Variants in DLG2 observed in about 807,000 individuals in gnomAD.
DLG2 encodes the protein disks large homolog 2.
Under a neutral mutation model 132.5 loss-of-function variants are expected in DLG2, and 45 were observed. The observed-to-expected ratio is 0.34, with a 90% CI of 0.27 to 0.44. DLG2 has a LOEUF of 0.44. Among genes scored for constraint, DLG2 ranks in the 20% least tolerant of loss-of-function variants. DLG2 has a pLI of 1.00. For missense variants in DLG2, 1,045 were observed against 1,196.9 expected (o/e 0.87, Z 1.87); for synonymous variants, 424 against 419.6 (o/e 1.01, Z -0.13).
intron 11 of DLG2, among the ~76,000 whole-genome samples, chr11:84,042,875 C>G (rs2096128822): frequency 6.6e-6 from 1 of 151,614 alleles, no homozygotes; most frequent in South Asian, 2.1e-4. Context: ...CATACTGGGG[C>G]CTGTAGGGGG....
At chr11:84,134,322 C>T (rs1399430848) in intron 9 of DLG2, among the ~76,000 whole-genome samples, 1 of 152,022 alleles carries the variant, frequency 6.6e-6, no homozygotes, top group East Asian at 1.9e-4. Flanking sequence ...AGCAACAATA[C>T]AGTTTACTTC....
chr11:84,425,287 G>A (rs2154469446), intron 7 of DLG2, among the ~76,000 whole-genome samples: 1 of 152,158 alleles, frequency 6.6e-6, no homozygotes, highest in East Asian at 1.9e-4. Flanking sequence ...CTTTCAAATT[G>A]TTCAGGACAA....
chr11:83,986,603 T>TGC (rs1473457066), intron 11 of DLG2, among the ~76,000 whole-genome samples: 7 of 151,806 alleles, frequency 4.6e-5, no homozygotes, highest in African/African-American at 1.7e-4. Context: ...TCAAATGGTA[T>TGC]TTCTAGTTCT....
chr11:84,488,264 A>G (rs2099155889), intron 7 of DLG2, among the ~76,000 whole-genome samples: 1 of 152,148 alleles, frequency 6.6e-6, no homozygotes, highest in Non-Finnish European at 1.5e-5. Context: ...GAAAGACAAT[A>G]GAGAAACAGG....
chr11:84,631,806 G>A (rs1442362623), intron 6 of DLG2, among the ~76,000 whole-genome samples: 5 of 152,112 alleles, frequency 3.3e-5, no homozygotes, highest in African/African-American at 1.2e-4. Context: ...AAAAAATGAT[G>A]GATTTAGGAG....
intron 6 of DLG2, among the ~76,000 whole-genome samples, chr11:84,941,982 G>T (rs550523467): frequency 6.6e-6 from 1 of 152,138 alleles, no homozygotes; most frequent in African/African-American, 2.4e-5. Flanking sequence ...AATCTGGATA[G>T]GTTGTATCTG....
chr11:84,023,510 A>C (rs182836817), intron 11 of DLG2, among the ~76,000 whole-genome samples: 1 of 152,306 alleles, frequency 6.6e-6, no homozygotes, highest in East Asian at 1.9e-4. Flanking sequence ...TTGGCTTCAC[A>C]GCCAAGTAAA....
chr11:85,122,300 AAG>A (rs2074415873), intron 5 of DLG2, among the ~76,000 whole-genome samples: 1 of 152,226 alleles, frequency 6.6e-6, no homozygotes, highest in African/African-American at 2.4e-5. Flanking sequence ...AAAGTACTTA[AAG>A]AGAAATCCGC....
rs201901898 is a variant in DLG2, at chr11:84,251,306, A to T, written c.520-15T>A. The T allele has an allele frequency of 5.9e-4, 922 of 1,558,720 alleles. 9 individuals carry two copies. The African/African-American group carries it at 0.011, about 19-fold the overall frequency. The stretch of plus-strand genomic sequence containing the variant: ...GCAGGACTGGCCTGAAAAAAGAAAT[A>T]GAAAAAAAATTAAATAATGAATAGT... On this transcript the variant is annotated splice_polypyrimidine_tract_variant and intron_variant, in intron 7 of 27. Coordinates refer to ENST00000376104, the MANE Select transcript of DLG2 (RefSeq NM_001142699.3).
At chr11:84,860,895 C>T (rs1156713116) in intron 6 of DLG2, among the ~76,000 whole-genome samples, 1 of 150,894 alleles carries the variant, frequency 6.6e-6, no homozygotes, top group Non-Finnish European at 1.5e-5. Flanking sequence ...TAAATAAATA[C>T]TAAGAATGAA....
intron 3 of DLG2, among the ~76,000 whole-genome samples, chr11:85,584,339 G>GGTGT (rs61334060): frequency 0.015 from 2,244 of 145,032 alleles, 16 homozygotes; most frequent in Middle Eastern, 0.021. Context: ...AGTATTCCAT[G>GGTGT]GTGTGTGTGT....
At chr11:84,465,547 T>G (rs969248442) in intron 7 of DLG2, among the ~76,000 whole-genome samples, 10 of 151,308 alleles carry the variant, frequency 6.6e-5, no homozygotes, top group Admixed American at 5.9e-4. Flanking sequence ...GTTTAAAGTT[T>G]GCCATTTATA....
rs969068735 is a variant in DLG2, at chr11:84,560,692, A to T, written c.358-25961T>A. On this transcript the variant is annotated intron_variant, in intron 6 of 27. Transcript: ENST00000376104. ...AATTATTTTATCTGGCCATCCATAG[A>T]CTACTATGAGCTTTTAAGTTAATTT... Among the ~76,000 whole-genome samples, 4 of 152,086 alleles carry T rather than the reference A, an allele frequency of 2.6e-5. No individual in the cohort carries two copies. In the East Asian group the frequency reaches 7.7e-4, roughly 29 times the overall value.
intron 7 of DLG2, among the ~76,000 whole-genome samples, chr11:84,462,886 C>T (rs570595770): frequency 6.6e-6 from 1 of 151,368 alleles, no homozygotes; most frequent in Non-Finnish European, 1.5e-5. Context: ...AGATATCACA[C>T]ACTGATCTTT....
intron 6 of DLG2, among the ~76,000 whole-genome samples, chr11:84,889,370 T>C (rs1181852383): frequency 6.6e-6 from 1 of 152,106 alleles, no homozygotes; most frequent in East Asian, 1.9e-4. Flanking sequence ...AGATTTAAAC[T>C]GGGCCTTAAC....
rs2074013234 is a variant in DLG2 at position 83,903,560 on chromosome 11, C to G, written c.1496+26768G>C. Among the ~76,000 whole-genome samples the G allele has an allele frequency of 1.3e-5, 2 of 152,062 alleles. 1 individual carries two copies. Among genetic ancestry groups the G allele is most frequent in the South Asian group, 4.1e-4 (2 of 4,820 alleles). On this transcript the variant is annotated intron_variant, in intron 15 of 27. Coordinates refer to ENST00000376104, the MANE Select transcript of DLG2 (RefSeq NM_001142699.3). ...GCACTTTATTGAAATTTATTGTAAACCTTTGCAATCAGGCTAAAAATATTC... is the reference window on the plus strand; with the variant it reads ...GCACTTTATTGAAATTTATTGTAAAGCTTTGCAATCAGGCTAAAAATATTC...
At chr11:85,386,574 T>C (rs2086344436) in intron 3 of DLG2, among the ~76,000 whole-genome samples, 1 of 152,098 alleles carries the variant, frequency 6.6e-6, no homozygotes, top group South Asian at 2.1e-4. Flanking sequence ...TGCACATAGG[T>C]ACATGACAAA....
chr11:83,546,501 C>T (rs2096247337), intron 19 of DLG2, among the ~76,000 whole-genome samples: 1 of 152,088 alleles, frequency 6.6e-6, no homozygotes, highest in Non-Finnish European at 1.5e-5. Flanking sequence ...AATGGGATGA[C>T]ACATGTAAAG....
intron 7 of DLG2, among the ~76,000 whole-genome samples, chr11:84,362,942 C>T (rs1251880346): frequency 6.6e-6 from 1 of 152,010 alleles, no homozygotes; most frequent in Non-Finnish European, 1.5e-5. Context: ...CAAGTCTTTG[C>T]TATTGTGAAT....
Sources: allele counts gnomAD v4.1 joint callset (sites outside exome capture counted in the v4.1 genomes callset), GRCh38; gene constraint gnomAD v4.1.1; transcripts MANE v1.5; gene names NCBI Gene and HGNC (gene_info 2026-07-23, HGNC 2026-07-21).